The following XPR1 variants were observed in gnomAD, a reference collection of about 807,000 sequenced individuals.
XPR1 encodes xenotropic and polytropic retrovirus receptor 1, also known as solute carrier family 53 member 1.
XPR1 carries 28 observed loss-of-function variants against 87.5 expected under a neutral mutation model. The observed-to-expected ratio is 0.32, with a 90% CI of 0.24 to 0.44. The LOEUF is 0.44. XPR1 is among the 20% of genes least tolerant of loss of function. XPR1 has a pLI of 1.00. For synonymous variants in XPR1, 300 were observed against 306.1 expected (o/e 0.98, Z 0.21); for missense variants, 559 against 862.3 (o/e 0.65, Z 4.41).
chr1:180,686,898 C>T (rs1254352480), intron 2 of XPR1, among the ~76,000 whole-genome samples: 5 of 151,984 alleles, frequency 3.3e-5, no homozygotes, highest in Non-Finnish European at 4.4e-5. Flanking sequence ...TTCCTCTGAA[C>T]GTGTAAAAAT....
At chr1:180,710,718 A>G (rs530555253) in intron 2 of XPR1, among the ~76,000 whole-genome samples, 1 of 152,224 alleles carries the variant, frequency 6.6e-6, no homozygotes, top group South Asian at 2.1e-4. Context: ...TGTTGGGTAC[A>G]CCTCCCAGAT....
In XPR1 at chr1:180,753,417, A is replaced by T. The variant is rs567357520; in HGVS notation, c.122-34336A>T. ...CCATCTCGACAAAAGTTAGCTGGGC[A>T]TGGTGGTGCGCCTGTAGTCCCAGCT... On this transcript the variant is annotated intron_variant, in intron 2 of 14. Coordinates refer to ENST00000367590, the MANE Select transcript of XPR1 (RefSeq NM_004736.4). Among the ~76,000 whole-genome samples the T allele has an allele frequency of 2.0e-5, 3 of 152,124 alleles. No homozygotes were observed. In the East Asian group the frequency reaches 5.8e-4, roughly 29 times the overall value.
rs576509755 is a variant in XPR1 at position 180,632,540 on chromosome 1, G to A, written c.69+270G>A. Among the ~76,000 whole-genome samples the A allele has an allele frequency of 7.2e-5, 11 of 152,350 alleles. No homozygotes were observed. The South Asian group carries it at 2.3e-3, about 32-fold the overall frequency. ...AGGCGCTGCCCGGGCCGGGGCCGGG[G>A]CCGGGGAACGGTGGGAGGGTGAGCT... On this transcript the variant is annotated intron_variant, in intron 1 of 14. Coordinates refer to ENST00000367590, the MANE Select transcript of XPR1 (RefSeq NM_004736.4).
intron 1 of XPR1, among the ~76,000 whole-genome samples, chr1:180,639,542 A>G (rs533726856): frequency 3.8e-4 from 58 of 152,318 alleles, no homozygotes; most frequent in African/African-American, 1.2e-3. Flanking sequence ...CTAGTGAACA[A>G]GTGATTTTTT....
intron 11 of XPR1, among the ~76,000 whole-genome samples, chr1:180,839,069 G>A (rs996157317): frequency 6.6e-6 from 1 of 152,068 alleles, no homozygotes; most frequent in African/African-American, 2.4e-5. Flanking sequence ...CAGAAATCTT[G>A]TGGCTATGCA....
intron 11 of XPR1, among the ~76,000 whole-genome samples, chr1:180,854,222 G>A (rs535109094): frequency 6.6e-6 from 1 of 152,334 alleles, no homozygotes; most frequent in Non-Finnish European, 1.5e-5. Flanking sequence ...TTTATTTCCT[G>A]TAAAGGATTA....
At chr1:180,686,002 T>G (rs1656759969) in intron 2 of XPR1, among the ~76,000 whole-genome samples, 1 of 152,180 alleles carries the variant, frequency 6.6e-6, no homozygotes, top group Non-Finnish European at 1.5e-5. Context: ...TCTGCTCTGA[T>G]CTTAGTTATT....
chr1:180,884,232 G>T lies in XPR1; in HGVS notation c.*166G>T. 8.1e-6 allele frequency: 4 copies of T among 492,584 alleles called. No individual in the cohort carries two copies. The highest frequency in any genetic ancestry group is 4.0e-5 in the South Asian group (1 of 25,182). The allele number at this position is 492,584 out of a possible 1,614,324, so 30.5% of individuals were successfully genotyped here. ...TATGGACTCCAAACAAGCTCACTGT[G>T]TTTCTTTTCTTTTCTTCTGGTTTAA... On this transcript the variant is annotated 3_prime_UTR_variant, in exon 15 of 15. Transcript: ENST00000367590.
chr1:180,678,965 G>C (rs1316848055), intron 1 of XPR1, among the ~76,000 whole-genome samples: 1 of 152,038 alleles, frequency 6.6e-6, no homozygotes, highest in African/African-American at 2.4e-5. Flanking sequence ...GGAGGCCGAG[G>C]CGGGTGGATC....
At chr1:180,843,578 G>A (rs1162275372) in intron 11 of XPR1, among the ~76,000 whole-genome samples, 1 of 151,140 alleles carries the variant, frequency 6.6e-6, no homozygotes, top group African/African-American at 2.4e-5. Flanking sequence ...TATCTACTTG[G>A]CATTGTTATT....
At chr1:180,875,666 A>C (rs1329196553) in intron 13 of XPR1, among the ~76,000 whole-genome samples, 1 of 152,108 alleles carries the variant, frequency 6.6e-6, no homozygotes, top group Non-Finnish European at 1.5e-5. Flanking sequence ...AATAAGAAAG[A>C]TTTAAAAAAC....
At chr1:180,746,782 C>T (rs1307782906) in intron 2 of XPR1, among the ~76,000 whole-genome samples, 1 of 152,112 alleles carries the variant, frequency 6.6e-6, no homozygotes, top group African/African-American at 2.4e-5. Context: ...AAATCATTAC[C>T]TTGCTAGAAC....
chr1:180,787,871 C>CTTT lies in XPR1; in HGVS notation c.223+25_223+27dup. The CTTT allele has an allele frequency of 5.2e-6, 7 of 1,353,122 alleles. No homozygotes were observed. Among genetic ancestry groups the CTTT allele is most frequent in the African/African-American group, 4.5e-5 (3 of 67,198 alleles). 83.8% of individuals were successfully genotyped at this position (1,353,122 alleles called of 1,614,324 possible). ...TTTATTCAGGTGAGTAATTAAGAGACTTTTTTTTTTGCTGCCGGGGAAGGA... is the reference window on the plus strand; with the variant it reads ...TTTATTCAGGTGAGTAATTAAGAGACTTTTTTTTTTTTTGCTGCCGGGGAAGGA... On this transcript the variant is annotated intron_variant, in intron 3 of 14. Transcript: ENST00000367590.
rs533082995 is a variant in XPR1, at chr1:180,734,787, C to T, written c.121+52376C>T. Among the ~76,000 whole-genome samples the T allele has an allele frequency of 3.4e-4, 52 of 152,088 alleles. 1 individual carries two copies. In the South Asian group the frequency reaches 8.5e-3, roughly 25 times the overall value. ...ACCATGAAGATTGGTATCTTGGAAA[C>T]GAAGATGGGGTTTTGAGTGGGGTGG... is the stretch of plus-strand genomic sequence containing the variant. On this transcript the variant is annotated intron_variant, in intron 2 of 14. Transcript: ENST00000367590.
At chr1:180,684,458 C>T (rs1656693067) in intron 2 of XPR1, among the ~76,000 whole-genome samples, 1 of 152,130 alleles carries the variant, frequency 6.6e-6, no homozygotes, top group Non-Finnish European at 1.5e-5. Flanking sequence ...TTAGGATTGA[C>T]TTGGCGATGC....
chr1:180,815,892 G>A (rs145003092), intron 7 of XPR1, among the ~76,000 whole-genome samples: 117 of 152,178 alleles, frequency 7.7e-4, no homozygotes, highest in Middle Eastern at 3.4e-3. Flanking sequence ...TGATTAAGCC[G>A]TTTTGTTTCT....
intron 2 of XPR1, among the ~76,000 whole-genome samples, chr1:180,694,110 AG>A (rs779986548): frequency 2.9e-4 from 44 of 152,216 alleles, no homozygotes; most frequent in Admixed American, 1.1e-3. Flanking sequence ...GGCGCATGCC[AG>A]TGTGCCTGGA....
At chr1:180,680,707 G>C (rs1443138314) in intron 1 of XPR1, among the ~76,000 whole-genome samples, 1 of 152,064 alleles carries the variant, frequency 6.6e-6, no homozygotes, top group African/African-American at 2.4e-5. Context: ...CCCACTACTG[G>C]GCATTTATCC....
intron 2 of XPR1, among the ~76,000 whole-genome samples, chr1:180,686,207 A>G (rs1029251220): frequency 5.3e-5 from 8 of 152,178 alleles, no homozygotes; most frequent in African/African-American, 1.9e-4. Flanking sequence ...CGCTGGTTTC[A>G]AAGAACATCT....
Sources: allele counts gnomAD v4.1 joint callset (sites outside exome capture counted in the v4.1 genomes callset), GRCh38; gene constraint gnomAD v4.1.1; transcripts MANE v1.5; gene names NCBI Gene and HGNC (gene_info 2026-07-23, HGNC 2026-07-21).